Variants in FIGNL2 observed in about 807,000 individuals in gnomAD.
FIGNL2 encodes the protein fidgetin-like protein 2.
For missense variants in FIGNL2, 1,060 were observed against 950.2 expected, an observed-to-expected ratio of 1.12 and a Z score of -1.52; for synonymous variants, 565 against 484.0, an observed-to-expected ratio of 1.17 and a Z score of -2.20.
At chr12:51,842,854 A>G (rs1357574441) in intron 1 of FIGNL2, among the ~76,000 whole-genome samples, 2 of 152,242 alleles carry the variant, frequency 1.3e-5, no homozygotes, top group South Asian at 4.1e-4. Context: ...CTAAAAGCAT[A>G]GCCTGTCCTT....
Position 51,821,880 on chromosome 12 carries a change from C to G in FIGNL2, c.534G>C (p.Ala178=). The change falls in exon 2 of 2, where the codon GCG becomes GCC. Residue 178 remains alanine (A), a synonymous_variant. Transcript: ENST00000618634. ...APGYCAQTGA[A]LPPPPPAALL... The stretch of plus-strand genomic sequence containing the variant: ...GCGCGGCCGGGGGCGGCGGGGGCAG[C>G]GCGGCGCCCGTCTGCGCGCAGTAAC... 8 of 1,347,058 alleles carry G rather than the reference C, an allele frequency of 5.9e-6. No homozygotes were observed. The highest frequency in any genetic ancestry group is 7.6e-6 in the Non-Finnish European group (8 of 1,052,924). 83.4% of individuals were successfully genotyped at this position (1,347,058 alleles called of 1,614,324 possible). A position where few individuals can be genotyped will look rare whatever the true frequency, so the allele number is the denominator to read the frequency against.
chr12:51,838,353 C>G (rs1939610753), intron 1 of FIGNL2, among the ~76,000 whole-genome samples: 1 of 152,212 alleles, frequency 6.6e-6, no homozygotes, highest in East Asian at 1.9e-4. Context: ...CATACTCCTT[C>G]CCTTCTCCCC....
chr12:51,844,952 C>A, intron 1 of FIGNL2: 1 of 838,954 alleles, frequency 1.2e-6, no homozygotes, highest in Non-Finnish European at 1.4e-6. Flanking sequence ...AGGCTGCAGG[C>A]ATGACTCTGT....
chr12:51,834,097 G>GTGGATGGATGGT (rs1555234025), intron 1 of FIGNL2, among the ~76,000 whole-genome samples: 10 of 87,962 alleles, frequency 1.1e-4, no homozygotes, highest in African/African-American at 3.2e-4. Context: ...AGACGGATGG[G>GTGGATGGATGGT]TGGATGGATG....
intron 1 of FIGNL2, chr12:51,828,532 C>T (rs1939390876): frequency 6.6e-6 from 1 of 152,080 alleles, no homozygotes. Context: ...TCCTAAAACC[C>T]CTCCCCTCAT....
In FIGNL2 at chr12:51,820,384, A is replaced by G; in HGVS notation, c.*68T>C. The G allele has an allele frequency of 6.5e-7, 1 of 1,533,798 alleles. No homozygotes were observed. ...CCCTGCCAGCCGGGTTTAGTCAGTG[A>G]CATCCCTCCCACGCGGAGGCGGCGG... On this transcript the variant is annotated 3_prime_UTR_variant, in exon 2 of 2. Transcript: ENST00000618634.
chr12:51,821,465 C>T lies in FIGNL2; in HGVS notation c.949G>A (p.Ala317Thr). The T allele has an allele frequency of 4.5e-6, 7 of 1,540,490 alleles. No homozygotes were observed. Among genetic ancestry groups the T allele is most frequent in the Non-Finnish European group, 6.1e-6 (7 of 1,147,792 alleles). ...NGFRAKPPGA[A>T]EEASGKYGGG... ...CCGTACTTGCCCGACGCCTCCTCCG[C>T]GGCTCCTGGCGGCTTGGCCCGGAAC... is the stretch of plus-strand genomic sequence containing the variant. The change falls in exon 2 of 2, where the codon GCG becomes ACG. Residue 317 changes from alanine to threonine, a missense_variant. Coordinates refer to ENST00000618634, the MANE Select transcript of FIGNL2 (RefSeq NM_001384995.1).
chr12:51,827,805 A>G (rs1436561215), intron 1 of FIGNL2, among the ~76,000 whole-genome samples: 2 of 152,226 alleles, frequency 1.3e-5, no homozygotes, highest in South Asian at 4.1e-4. Flanking sequence ...TGTGTACAGA[A>G]CCAGCGCCTG....
chr12:51,834,087 A>ATGGGTGGATGGATGGTTGGATG (rs1565946347), intron 1 of FIGNL2, among the ~76,000 whole-genome samples: 1 of 128,956 alleles, frequency 7.8e-6, no homozygotes, highest in African/African-American at 2.9e-5. Context: ...ATAGACAGAC[A>ATGGGTGGATGGATGGTTGGATG]GACGGATGGG....
intron 1 of FIGNL2, among the ~76,000 whole-genome samples, chr12:51,831,466 G>A (rs1939464885): frequency 6.6e-6 from 1 of 152,210 alleles, no homozygotes; most frequent in South Asian, 2.1e-4. Flanking sequence ...AGATGTGGCT[G>A]GCCCCAGGTC....
intron 1 of FIGNL2, among the ~76,000 whole-genome samples, chr12:51,837,451 T>G (rs1939597118): frequency 6.6e-6 from 1 of 152,148 alleles, no homozygotes; most frequent in South Asian, 2.1e-4. Context: ...CTGGCTGCCT[T>G]GGGATGGGCT....
chr12:51,822,538 G>T (rs1939245802), intron 1 of FIGNL2, 114 bp from the exon 2 acceptor site: 1 of 1,201,484 alleles, frequency 8.3e-7, no homozygotes, highest in Non-Finnish European at 1.2e-6. Context: ...TGGGCTTCCG[G>T]CATCCACCAC....
intron 1 of FIGNL2, chr12:51,847,115 C>A (rs1939768286): frequency 2.0e-6 from 2 of 985,300 alleles, no homozygotes; most frequent in South Asian, 4.7e-5. Flanking sequence ...GCCCGGCGCG[C>A]CCGTCCTTGG....
At chr12:51,843,835 A>T (rs1416167033) in intron 1 of FIGNL2, among the ~76,000 whole-genome samples, 1 of 151,966 alleles carries the variant, frequency 6.6e-6, no homozygotes, top group East Asian at 1.9e-4. Context: ...GTACTTTGGG[A>T]GGGCAAGATG....
chr12:51,847,278 C>G (rs1939771295), intron 1 of FIGNL2: 1 of 985,296 alleles, frequency 1.0e-6, no homozygotes, highest in Admixed American at 6.1e-5. Context: ...ATCTGCGGGC[C>G]CAGCCCACTC....
At chr12:51,847,159 C>T (rs1327909353) in intron 1 of FIGNL2, 5 of 985,270 alleles carry the variant, frequency 5.1e-6, no homozygotes, top group African/African-American at 1.7e-5. Context: ...GCGTCGGTTC[C>T]GGACTGAGAG....
intron 1 of FIGNL2, among the ~76,000 whole-genome samples, chr12:51,830,608 C>T (rs1345115786): frequency 6.6e-6 from 1 of 150,396 alleles, no homozygotes; most frequent in African/African-American, 2.4e-5. Context: ...TCTCTTGCCT[C>T]AGCCTCCTGA....
At chr12:51,840,799 G>T (rs1344324483) in intron 1 of FIGNL2, among the ~76,000 whole-genome samples, 1 of 152,204 alleles carries the variant, frequency 6.6e-6, no homozygotes. Context: ...TGGACCACAA[G>T]GCTCAGCCCA....
chr12:51,844,244 G>A (rs1939707554), intron 1 of FIGNL2, among the ~76,000 whole-genome samples: 1 of 152,150 alleles, frequency 6.6e-6, no homozygotes, highest in African/African-American at 2.4e-5. Context: ...TAGGGTAGGG[G>A]TCATAACTGG....
Sources: gnomAD v4.1 joint callset for allele counts (sites outside exome capture counted in the v4.1 genomes callset) on GRCh38, gnomAD v4.1.1 for gene constraint, MANE v1.5 for transcripts, NCBI Gene and HGNC (gene_info 2026-07-23, HGNC 2026-07-21) for gene names.